The following RNF135 variants were observed in gnomAD, a reference collection of about 807,000 sequenced individuals.
RNF135 encodes the protein ring finger protein 135, also known as E3 ubiquitin-protein ligase RNF135.
Under a neutral mutation model 41.9 loss-of-function variants are expected in RNF135, and 46 were observed. The observed-to-expected ratio is 1.10, with a 90% CI of 0.87 to 1.40. The LOEUF (loss-of-function observed/expected upper bound fraction) is 1.40, where lower values mean the gene tolerates loss of function less well. RNF135 is among the 40% of genes most tolerant of loss of function. The probability of loss-of-function intolerance (pLI) is 0.00; values close to 1 mark genes in which losing one functional copy is unlikely to be tolerated. For missense variants in RNF135, 539 were observed against 549.8 expected (o/e 0.98, Z 0.20); for synonymous variants, 238 against 223.8 (o/e 1.06, Z -0.57).
At chr17:30,971,038 C>G, upstream of RNF135, 1 of 1,533,348 alleles carries the variant, frequency 6.5e-7, no homozygotes, top group South Asian at 1.2e-5. Context: ...TCGCCCGGCT[C>G]AACCCCGACG....
At chr17:30,993,129 C>T (rs965786507) in intron 3 of RNF135, among the ~76,000 whole-genome samples, 11 of 151,394 alleles carry the variant, frequency 7.3e-5, no homozygotes, top group South Asian at 2.1e-4. Flanking sequence ...GGCGCGATCT[C>T]GGCTCACCAC....
At chr17:30,996,489 C>A (rs566236473) in intron 3 of RNF135, among the ~76,000 whole-genome samples, 1 of 152,296 alleles carries the variant, frequency 6.6e-6, no homozygotes, top group Admixed American at 6.5e-5. Context: ...TGCTTCAGTT[C>A]CGAGTTGAAT....
intron 1 of RNF135, 120 bp downstream of exon 1, chr17:30,971,565 C>G: frequency 7.3e-7 from 1 of 1,367,194 alleles, no homozygotes. Flanking sequence ...TTTTCTCAGT[C>G]TAAAAGTCGA....
chr17:30,997,472 GAGCT>G (rs1172407466), intron 4 of RNF135, 141 bp downstream of exon 4: 2 of 765,176 alleles, frequency 2.6e-6, no homozygotes, highest in East Asian at 2.9e-5. Flanking sequence ...TCCACGGGGG[GAGCT>G]GATTGCAAAG....
chr17:30,961,877 G>A, the RNF135 span, among the ~76,000 whole-genome samples: 2 of 152,156 alleles, frequency 1.3e-5, no homozygotes, highest in South Asian at 2.1e-4. Flanking sequence ...GACATGTGGT[G>A]TATGAACAAG....
chr17:30,975,242 G>T, intron 1 of RNF135: 1 of 488,020 alleles, frequency 2.0e-6, no homozygotes, highest in South Asian at 2.7e-5. Flanking sequence ...AAGAACACTT[G>T]AATCCAGGAG....
At chr17:30,966,796 C>T (rs752197353), upstream of RNF135, among the ~76,000 whole-genome samples, 21 of 151,450 alleles carry the variant, frequency 1.4e-4, no homozygotes, top group Non-Finnish European at 2.1e-4. Flanking sequence ...TGAGCCACCG[C>T]GCCCGACCTC....
intron 3 of RNF135, among the ~76,000 whole-genome samples, chr17:30,990,198 TG>T (rs1332602244): frequency 1.3e-5 from 2 of 151,974 alleles, no homozygotes; most frequent in African/African-American, 2.4e-5. Context: ...TTTTAAATTT[TG>T]GGGGGTTAAA....
intron 1 of RNF135, chr17:30,975,244 A>G: frequency 2.0e-6 from 1 of 499,334 alleles, no homozygotes; most frequent in Non-Finnish European, 3.6e-6. Flanking sequence ...GAACACTTGA[A>G]TCCAGGAGGT....
intron 3 of RNF135, among the ~76,000 whole-genome samples, chr17:30,996,490 C>T (rs192570146): frequency 2.6e-5 from 4 of 152,210 alleles, no homozygotes; most frequent in East Asian, 1.9e-4. Flanking sequence ...GCTTCAGTTC[C>T]GAGTTGAATT....
Position 30,971,329 on chromosome 17 carries a change from C to A in RNF135, c.256C>A (p.Arg86Ser). 4 of 1,533,772 alleles carry A rather than the reference C, an allele frequency of 2.6e-6. No homozygotes were observed. The highest frequency in any genetic ancestry group is 3.5e-6 in the Non-Finnish European group (4 of 1,143,624). Residue 86 changes from arginine (R) to serine (S), a missense_variant, in exon 1 of 5, where the codon CGC becomes AGC. Arg to Ser is a moderately radical substitution (Grantham distance 110). This residue lies in a region of RNF135 where 277 missense variants were observed against 212.8 expected (regional missense o/e 1.30). Transcript: ENST00000328381. ...ACTGCAGGACCTGGCCGACAAGTAC[C>A]GCCGCGCCGCACGCGAGATACAGGC... ...TLLQDLADKY[R>S]RAAREIQAGS...
chr17:30,961,846 G>A, the RNF135 span, among the ~76,000 whole-genome samples: 1 of 152,152 alleles, frequency 6.6e-6, no homozygotes, highest in Non-Finnish European at 1.5e-5. Context: ...ACCCCTGGGT[G>A]GAAATTTAAG....
At chr17:30,984,545 T>C (rs2142707200) in intron 1 of RNF135, 72 bp from the exon 2 acceptor site, 1 of 1,506,202 alleles carries the variant, frequency 6.6e-7, no homozygotes, top group South Asian at 1.1e-5. Flanking sequence ...GTATTTATGA[T>C]TCCCTCTGTC....
chr17:30,978,739 G>A (rs936978158), intron 1 of RNF135: 7 of 132,850 alleles, frequency 5.3e-5, no homozygotes, highest in Non-Finnish European at 9.5e-5. Context: ...GTTTTCCTAG[G>A]CAGAGGACCC....
At chr17:30,974,238 A>G (rs910097963) in intron 1 of RNF135, among the ~76,000 whole-genome samples, 2 of 152,136 alleles carry the variant, frequency 1.3e-5, no homozygotes, top group Non-Finnish European at 2.9e-5. Context: ...TGTACATTCC[A>G]TTTTATTCCA....
At chr17:30,987,356 C>T (rs1305026145) in intron 2 of RNF135, among the ~76,000 whole-genome samples, 1 of 152,058 alleles carries the variant, frequency 6.6e-6, no homozygotes, top group Non-Finnish European at 1.5e-5. Context: ...CTCAGCCTCC[C>T]ATGTAGTTGG....
chr17:30,983,324 T>C (rs1567743054), intron 1 of RNF135, among the ~76,000 whole-genome samples: 15 of 33,576 alleles, frequency 4.5e-4, no homozygotes, highest in African/African-American at 1.3e-3. Context: ...TATGTACATA[T>C]ATATATATAT....
the RNF135 span, among the ~76,000 whole-genome samples, chr17:30,961,934 G>C: frequency 6.6e-6 from 1 of 152,076 alleles, no homozygotes; most frequent in Non-Finnish European, 1.5e-5. Context: ...CCCAGAACAT[G>C]CTTACTAGTA....
intron 4 of RNF135, among the ~76,000 whole-genome samples, chr17:30,997,736 C>T (rs1908459792): frequency 6.6e-6 from 1 of 152,192 alleles, no homozygotes; most frequent in Non-Finnish European, 1.5e-5. Context: ...GGGTTTGACT[C>T]CCAGCAGCTC....
Sources: gnomAD v4.1 joint callset for allele counts (sites outside exome capture counted in the v4.1 genomes callset) on GRCh38, gnomAD v4.1.1 for gene constraint, gnomAD v4.1.1 regional missense constraint, MANE v1.5 for transcripts, NCBI Gene and HGNC (gene_info 2026-07-23, HGNC 2026-07-21) for gene names.